ZNRF3: variants seen among roughly 807,000 people sequenced by gnomAD.
ZNRF3 encodes the protein E3 ubiquitin-protein ligase ZNRF3.
ZNRF3 carries 23 observed loss-of-function variants against 72.5 expected under a neutral mutation model. That is an observed-to-expected ratio of 0.32 (90% confidence interval 0.23 to 0.45). ZNRF3 has a LOEUF of 0.45. Ranked by LOEUF, ZNRF3 falls within the 20% of genes least tolerant of loss-of-function variation. The pLI is 1.00. For synonymous variants in ZNRF3, 610 were observed against 545.3 expected (o/e 1.12, Z -1.65); for missense variants, 1,169 against 1,272.1 (o/e 0.92, Z 1.23).
At chr22:28,962,677 G>A (rs1405854255) in intron 1 of ZNRF3, among the ~76,000 whole-genome samples, 2 of 152,224 alleles carry the variant, frequency 1.3e-5, no homozygotes, top group Non-Finnish European at 2.9e-5. Flanking sequence ...ATACATGCCT[G>A]TATTTGGGGA....
intron 2 of ZNRF3, among the ~76,000 whole-genome samples, chr22:28,987,946 A>G (rs2035886493): frequency 6.6e-6 from 1 of 152,198 alleles, no homozygotes; most frequent in Admixed American, 6.5e-5. Flanking sequence ...GTTTGCTGCC[A>G]TTGGCTACCA....
chr22:28,905,547 A>C (rs996120301), intron 1 of ZNRF3, among the ~76,000 whole-genome samples: 12 of 152,216 alleles, frequency 7.9e-5, no homozygotes, highest in African/African-American at 2.7e-4. Flanking sequence ...CTTTGTACCA[A>C]TCAAAACAAA....
intron 1 of ZNRF3, among the ~76,000 whole-genome samples, chr22:28,979,061 C>G (rs2035723163): frequency 6.6e-6 from 1 of 152,030 alleles, no homozygotes; most frequent in African/African-American, 2.4e-5. Flanking sequence ...CTATAAAACT[C>G]TCCTCAGTAC....
intron 1 of ZNRF3, among the ~76,000 whole-genome samples, chr22:28,928,659 A>G (rs533861534): frequency 1.3e-3 from 194 of 150,866 alleles, no homozygotes; most frequent in African/African-American, 4.4e-3. Flanking sequence ...AAACCCGGCT[A>G]ATTTTTTTTT....
chr22:29,032,580 A>G (rs756803494), intron 2 of ZNRF3, among the ~76,000 whole-genome samples: 3 of 152,242 alleles, frequency 2.0e-5, no homozygotes, highest in Non-Finnish European at 4.4e-5. Flanking sequence ...TTATGTTCCA[A>G]GAAAATTTGG....
In ZNRF3 at chr22:29,049,934, A is replaced by T; in HGVS notation, c.1753A>T (p.Thr585Ser). The change falls in exon 8 of 9, where the codon ACC becomes TCC. Residue 585 changes from threonine (T) to serine (S), a missense_variant. This residue lies in a region of ZNRF3 where 783 missense variants were observed against 731.4 expected (regional missense o/e 1.07). Coordinates refer to ENST00000544604, the MANE Select transcript of ZNRF3 (RefSeq NM_001206998.2). This position sits in a 1 kb window ranked among gnomAD's most constrained non-coding sequence, Gnocchi z 5.2. ...SNQGVYGSCS[T>S]FRSSLSSDYD... ...CCAGGGCGTGTACGGGAGCTGCTCC[A>T]CCTTCCGCAGCTCCCTCAGCAGCGA... is the stretch of plus-strand genomic sequence containing the variant. 6.2e-7 allele frequency: 1 copy of T among 1,609,484 alleles called. No homozygotes were observed. Among genetic ancestry groups the T allele is most frequent in the Non-Finnish European group, 8.5e-7 (1 of 1,178,406 alleles).
chr22:28,939,859 G>GT (rs2034910705), intron 1 of ZNRF3, among the ~76,000 whole-genome samples: 1 of 151,976 alleles, frequency 6.6e-6, no homozygotes, highest in African/African-American at 2.4e-5. Flanking sequence ...TCCCCCACTG[G>GT]TTTTTTAGAC....
intron 1 of ZNRF3, among the ~76,000 whole-genome samples, chr22:28,980,229 G>T (rs1423035321): frequency 6.6e-6 from 1 of 152,088 alleles, no homozygotes; most frequent in Non-Finnish European, 1.5e-5. Context: ...GTGGGTGGAG[G>T]GGGGGAAGGG....
chr22:28,958,350 A>G (rs1257103048), intron 1 of ZNRF3, among the ~76,000 whole-genome samples: 1 of 152,226 alleles, frequency 6.6e-6, no homozygotes, highest in African/African-American at 2.4e-5. Flanking sequence ...AGTGATCAGT[A>G]GATTTGGAGA....
At chr22:28,906,202 C>T (rs988528776) in intron 1 of ZNRF3, among the ~76,000 whole-genome samples, 3 of 152,220 alleles carry the variant, frequency 2.0e-5, no homozygotes, top group Non-Finnish European at 4.4e-5. Context: ...TGGTGCACGT[C>T]TGTAGTCCCA....
At chr22:29,051,337 A>T (rs1198948519) in intron 8 of ZNRF3, among the ~76,000 whole-genome samples, 1 of 152,164 alleles carries the variant, frequency 6.6e-6, no homozygotes. Flanking sequence ...ACTTGAGGCC[A>T]GGAGTTGGAG....
intron 2 of ZNRF3, among the ~76,000 whole-genome samples, chr22:29,040,661 G>A (rs1047208219): frequency 1.4e-4 from 21 of 152,158 alleles, no homozygotes; most frequent in African/African-American, 4.3e-4. Context: ...GTGGACAATC[G>A]GCAGAGACTT....
chr22:28,955,315 G>A (rs1401281472), intron 1 of ZNRF3, among the ~76,000 whole-genome samples: 1 of 152,090 alleles, frequency 6.6e-6, no homozygotes, highest in Admixed American at 6.6e-5. Context: ...CCAAAATGCT[G>A]GGATTATGGG....
At chr22:29,006,034 CAA>C (rs889610315) in intron 2 of ZNRF3, among the ~76,000 whole-genome samples, 8 of 132,452 alleles carry the variant, frequency 6.0e-5, no homozygotes, top group Admixed American at 1.5e-4. Flanking sequence ...AACTCTGTCT[CAA>C]AAAAAAAAAA....
chr22:29,021,847 C>T (rs1276904229), intron 2 of ZNRF3, among the ~76,000 whole-genome samples: 1 of 152,040 alleles, frequency 6.6e-6, no homozygotes, highest in Admixed American at 6.6e-5. Context: ...ATTTAAAGTG[C>T]ACAATTTGTT....
intron 2 of ZNRF3, among the ~76,000 whole-genome samples, chr22:29,002,085 C>T (rs2036158384): frequency 6.6e-6 from 1 of 152,170 alleles, no homozygotes; most frequent in South Asian, 2.1e-4. Context: ...GACATCTGAG[C>T]CACAAAAGTC....
rs950831387 is a variant in ZNRF3, at chr22:28,940,625, C to T, written c.301-46451C>T. Among the ~76,000 whole-genome samples the T allele has an allele frequency of 7.2e-5, 11 of 152,226 alleles. No individual in the cohort carries two copies. In the East Asian group the frequency reaches 1.9e-3, roughly 27 times the overall value. On this transcript the variant is annotated intron_variant, in intron 1 of 8. Transcript: ENST00000544604. ...GTCATTCAGAGGCTCTTGCCCTCCC[C>T]TTCAGAGGCTGCAGCGCCTGACCTG...
At chr22:28,940,835 G>A (rs1175762113) in intron 1 of ZNRF3, among the ~76,000 whole-genome samples, 1 of 152,054 alleles carries the variant, frequency 6.6e-6, no homozygotes, top group Non-Finnish European at 1.5e-5. Context: ...AAGCCTGATG[G>A]TTTCAGCACC....
intron 1 of ZNRF3, among the ~76,000 whole-genome samples, chr22:28,931,481 T>C (rs1281380559): frequency 1.3e-5 from 2 of 152,224 alleles, no homozygotes; most frequent in South Asian, 4.1e-4. Context: ...TGAAAGTATA[T>C]AGCAGTTCTC....
Sources: allele counts gnomAD v4.1 joint callset (sites outside exome capture counted in the v4.1 genomes callset), GRCh38; gene constraint gnomAD v4.1.1; regional missense constraint gnomAD v4.1.1; non-coding constraint Gnocchi (gnomAD v3.1); transcripts MANE v1.5; gene names NCBI Gene and HGNC (gene_info 2026-07-23, HGNC 2026-07-21).